VPS13D: variants seen among roughly 807,000 people sequenced by gnomAD.
VPS13D encodes the protein vacuolar protein sorting 13 homolog D, also known as intermembrane lipid transfer protein VPS13D.
VPS13D carries 187 observed loss-of-function variants against 461.9 expected under a neutral mutation model. The ratio of observed to expected loss-of-function variants is 0.40; its 90% CI spans 0.36 to 0.46. The LOEUF (loss-of-function observed/expected upper bound fraction) is 0.46, where lower values mean the gene tolerates loss of function less well. Among genes scored for constraint, VPS13D ranks in the 20% least tolerant of loss-of-function variants. The pLI, the probability that VPS13D is intolerant of heterozygous loss-of-function variation, is 0.60. For missense variants in VPS13D, 4,711 were observed against 5,364.9 expected, an observed-to-expected ratio of 0.88 and a Z score of 3.81; for synonymous variants, 1,951 against 1,986.3, an observed-to-expected ratio of 0.98 and a Z score of 0.47.
rs1222476670 is a variant in VPS13D, at chr1:12,361,374, TA to T, written c.10142-1345del. On this transcript the variant is annotated intron_variant, in intron 50 of 69. Transcript: ENST00000620676. ...CCACTGAATTTTTTATTTTTATTTT[TA>T]TTTATTTATTTATTTATTTATTTAT... Among the ~76,000 whole-genome samples the T allele has an allele frequency of 2.2e-5, 3 of 137,104 alleles. No individual in the cohort carries two copies. In the East Asian group the frequency reaches 6.1e-4, roughly 28 times the overall value. 89.9% of individuals were successfully genotyped at this position (137,104 alleles called of 152,430 possible). A position where few individuals can be genotyped will look rare whatever the true frequency, so the allele number is the denominator to read the frequency against.
chr1:12,326,902 CA>C (rs1354232547), intron 35 of VPS13D, among the ~76,000 whole-genome samples: 3 of 152,086 alleles, frequency 2.0e-5, no homozygotes, highest in African/African-American at 7.2e-5. Flanking sequence ...CTTGGCCTCC[CA>C]AAGTGCTGGG....
Position 12,356,487 on chromosome 1 carries a change from C to T in VPS13D, c.9961C>T (p.Leu3321Phe), listed in dbSNP as rs1222648934. ...EHELARSLSP[L>F]LFCYADKEQP... The stretch of plus-strand genomic sequence containing the variant: ...TGAGCTGGCCCGTAGCCTGAGTCCT[C>T]TCTTATTCTGCTATGCTGACAAAGA... Residue 3321 changes from leucine to phenylalanine, a missense_variant, in exon 49 of 70, where the codon CTC (leucine) becomes TTC (phenylalanine). Transcript: ENST00000620676. 5 of 1,614,072 alleles carry T rather than the reference C, an allele frequency of 3.1e-6. No individual in the cohort carries two copies. The highest frequency in any genetic ancestry group is 1.7e-5 in the Admixed American group (1 of 60,012).
Position 12,276,128 on chromosome 1 carries a change from A to T in VPS13D, c.2540A>T (p.His847Leu). The change falls in exon 19 of 70, where the codon CAT (histidine) becomes CTT (leucine). Residue 847 changes from histidine (H) to leucine (L), a missense_variant. Transcript: ENST00000620676. This position sits in a 1 kb window ranked among gnomAD's most constrained non-coding sequence, Gnocchi z 4.5. ...HVQDIDVGPT[H>L]VVEKFNVHLQ... ...CAGGATATTGACGTGGGACCAACAC[A>T]TGTGGTAGAGAAGTTCAACGTTCAC... 6.2e-7 allele frequency: 1 copy of T among 1,614,168 alleles called. No homozygotes were observed. Among genetic ancestry groups the T allele is most frequent in the Non-Finnish European group, 8.5e-7 (1 of 1,180,016 alleles).
Position 12,356,537 on chromosome 1 carries a change from A to G in VPS13D, c.9998+13A>G, listed in dbSNP as rs1643887335. The G allele has an allele frequency of 6.2e-7, 1 of 1,608,980 alleles. No individual in the cohort carries two copies. The highest frequency in any genetic ancestry group is 8.5e-7 in the Non-Finnish European group (1 of 1,178,042). ...AGCAGCCAAACCTGTGAGTACAGTT[A>G]TTTATGGGAAGGGGAAATAAGCTCC... On this transcript the variant is annotated intron_variant, in intron 49 of 69. Coordinates refer to ENST00000620676, the MANE Select transcript of VPS13D (RefSeq NM_015378.4).
At chr1:12,255,209 G>A (rs1249898690) in intron 7 of VPS13D, among the ~76,000 whole-genome samples, 1 of 152,210 alleles carries the variant, frequency 6.6e-6, no homozygotes, top group Non-Finnish European at 1.5e-5. Flanking sequence ...GCTTCACAAA[G>A]TGCTGGGATT....
At position 12,276,432 on chromosome 1, in the gene VPS13D, T is replaced by C; in HGVS notation, c.2844T>C (p.Val948=). Residue 948 remains valine (V), a synonymous_variant, in exon 19 of 70, where the codon GTT becomes GTC. Transcript: ENST00000620676. The surrounding 1 kb of genome is among the most constrained non-coding windows in gnomAD (Gnocchi z 4.5). ...TGTTGGAGCAGCATACCCGCGAGGTTCTGGTGGAGTCGCAGCTCCTCCTGG... is the reference window on the plus strand; with the variant it reads ...TGTTGGAGCAGCATACCCGCGAGGTCCTGGTGGAGTCGCAGCTCCTCCTGG... The part of the protein sequence containing the change: ...IVLLEQHTRE[V]LVESQLLLAE... The C allele has an allele frequency of 1.2e-6, 2 of 1,614,182 alleles. No homozygotes were observed. Among genetic ancestry groups the C allele is most frequent in the Non-Finnish European group, 1.7e-6 (2 of 1,180,028 alleles).
At chr1:12,289,279 C>T (rs1642057916) in intron 22 of VPS13D, among the ~76,000 whole-genome samples, 2 of 152,132 alleles carry the variant, frequency 1.3e-5, no homozygotes, top group Non-Finnish European at 2.9e-5. Context: ...GACAGGGTTT[C>T]GCCATGTTGG....
At chr1:12,378,976 A>G in intron 56 of VPS13D, among the ~76,000 whole-genome samples, 1 of 152,234 alleles carries the variant, frequency 6.6e-6, no homozygotes. Context: ...ATTTTTATGA[A>G]TAAATCCTTG....
chr1:12,266,972 A>G lies in VPS13D; in HGVS notation c.1686A>G (p.Thr562=), dbSNP rs148632729. 6.2e-7 allele frequency: 1 copy of G among 1,610,170 alleles called. No individual in the cohort carries two copies. Among genetic ancestry groups the G allele is most frequent in the Non-Finnish European group, 8.5e-7 (1 of 1,178,974 alleles). The change falls in exon 14 of 70, where the codon ACA becomes ACG. Residue 562 remains threonine, a synonymous_variant. Transcript: ENST00000620676. ...GACTGTTTCTTCGAGACCTGGCTAC[A>G]GAAGGAACTATGTTTCCTCTTCTAG... The part of the protein sequence containing the change: ...LGGLFLRDLA[T]EGTMFPLLVF...
At chr1:12,508,227 T>C (rs993561567) in intron 69 of VPS13D, among the ~76,000 whole-genome samples, 1 of 152,170 alleles carries the variant, frequency 6.6e-6, no homozygotes, top group African/African-American at 2.4e-5. Context: ...GAGAGGTGTT[T>C]GTGGTAAGAA....
chr1:12,352,965 C>CAAAA (rs61588046), intron 46 of VPS13D, among the ~76,000 whole-genome samples: 1,402 of 17,582 alleles, frequency 0.08, 424 homozygotes, highest in South Asian at 0.11. Flanking sequence ...AACTCAGTCT[C>CAAAA]AAAAAAAAAA....
intron 60 of VPS13D, among the ~76,000 whole-genome samples, chr1:12,394,732 A>G (rs975469877): frequency 6.6e-6 from 1 of 151,868 alleles, no homozygotes; most frequent in Non-Finnish European, 1.5e-5. Flanking sequence ...CCCTTCCTGT[A>G]CGTTAAACCA....
chr1:12,361,442 C>T (rs999815523), intron 50 of VPS13D, among the ~76,000 whole-genome samples: 1 of 148,552 alleles, frequency 6.7e-6, no homozygotes, highest in Non-Finnish European at 1.5e-5. Context: ...GTCGCCCAGG[C>T]TGGAGTGCAG....
intron 10 of VPS13D, among the ~76,000 whole-genome samples, chr1:12,259,639 T>C (rs1641041321): frequency 1.3e-5 from 2 of 152,090 alleles, no homozygotes. Context: ...CACAAAGACA[T>C]AGAAGAAGAG....
intron 68 of VPS13D, chr1:12,499,783 C>T (rs1646010869): frequency 2.0e-6 from 2 of 985,270 alleles, no homozygotes; most frequent in Non-Finnish European, 2.4e-6. Context: ...GAGTGTGTCG[C>T]ATGTTCCTCT....
chr1:12,374,930 G>C (rs1204146396), intron 55 of VPS13D, among the ~76,000 whole-genome samples: 1 of 152,130 alleles, frequency 6.6e-6, no homozygotes, highest in Non-Finnish European at 1.5e-5. Context: ...TAGAGACGGG[G>C]TTTCGCCATG....
intron 32 of VPS13D, among the ~76,000 whole-genome samples, chr1:12,321,434 G>A (rs1643032609): frequency 6.6e-6 from 1 of 152,056 alleles, no homozygotes; most frequent in Non-Finnish European, 1.5e-5. Flanking sequence ...TTAAATGGCT[G>A]CAAATATTCC....
chr1:12,363,273 CAA>C (rs1219972038), intron 52 of VPS13D, 26 bp downstream of exon 52: 1 of 1,607,370 alleles, frequency 6.2e-7, no homozygotes, highest in South Asian at 1.1e-5. Context: ...TAAATATAGA[CAA>C]AAAGGTAGCC....
chr1:12,366,729 A>G (rs1644040663), intron 52 of VPS13D, among the ~76,000 whole-genome samples: 2 of 152,206 alleles, frequency 1.3e-5, no homozygotes, highest in African/African-American at 4.8e-5. Flanking sequence ...AACAATTTAA[A>G]CTATAGGAAA....
Sources: gnomAD v4.1 joint callset for allele counts (sites outside exome capture counted in the v4.1 genomes callset) on GRCh38, gnomAD v4.1.1 for gene constraint, Gnocchi (gnomAD v3.1) non-coding constraint, MANE v1.5 for transcripts, NCBI Gene and HGNC (gene_info 2026-07-23, HGNC 2026-07-21) for gene names.